The following NDUFA12 variants were observed in gnomAD, a reference collection of about 807,000 sequenced individuals.
NDUFA12 encodes NADH dehydrogenase [ubiquinone] 1 alpha subcomplex subunit 12.
In NDUFA12, 17 loss-of-function variants were observed where a neutral mutation model predicts 20.3. The observed-to-expected ratio is 0.84, with a 90% confidence interval of 0.57 to 1.26. NDUFA12 has a LOEUF of 1.26. NDUFA12 is among the 50% of genes most tolerant of loss of function. The pLI, the probability that NDUFA12 is intolerant of heterozygous loss-of-function variation, is 0.00. For missense variants in NDUFA12, 191 were observed against 183.7 expected, an observed-to-expected ratio of 1.04 and a Z score of -0.23; for synonymous variants, 72 against 63.6, an observed-to-expected ratio of 1.13 and a Z score of -0.63.
At chr12:94,991,321 C>T (rs1388136700) in intron 3 of NDUFA12, among the ~76,000 whole-genome samples, 6 of 151,774 alleles carry the variant, frequency 4.0e-5, no homozygotes, top group Non-Finnish European at 8.8e-5. Flanking sequence ...CCACACGTGG[C>T]AAGTGGTTAC....
intron 3 of NDUFA12, among the ~76,000 whole-genome samples, chr12:94,984,525 C>T (rs1332831802): frequency 3.3e-5 from 5 of 150,294 alleles, no homozygotes; most frequent in Non-Finnish European, 3.0e-5. Context: ...AGTGAAACTC[C>T]GTCTCCAAAG....
rs1481011095 is a variant in NDUFA12 at position 95,003,687 on chromosome 12, T to TCGCTGGCCC, written c.-16_-8dup. ...GGACCTGCACTAACTCCATCTTGCCTCGCTGGCCCCGCCTCCCGGGTGCGC... is the reference window on the plus strand; with the variant it reads ...GGACCTGCACTAACTCCATCTTGCCTCGCTGGCCCCGCTGGCCCCGCCTCCCGGGTGCGC... On this transcript the variant is annotated 5_prime_UTR_variant, in exon 1 of 4. Transcript: ENST00000327772. The TCGCTGGCCC allele has an allele frequency of 6.2e-7, 1 of 1,614,000 alleles. No homozygotes were observed. Among genetic ancestry groups the TCGCTGGCCC allele is most frequent in the Non-Finnish European group, 8.5e-7 (1 of 1,180,034 alleles).
intron 2 of NDUFA12, among the ~76,000 whole-genome samples, chr12:95,001,502 C>G (rs1200656782): frequency 6.6e-6 from 1 of 151,974 alleles, no homozygotes; most frequent in East Asian, 1.9e-4. Context: ...GTGACACATG[C>G]CTGTAATCCC....
chr12:94,980,550 CA>C (rs1264043425), intron 3 of NDUFA12, among the ~76,000 whole-genome samples: 2 of 149,480 alleles, frequency 1.3e-5, no homozygotes, highest in African/African-American at 5.0e-5. Flanking sequence ...TTTCCCTGGG[CA>C]CAGAAAAATT....
chr12:94,980,698 G>C (rs1251535300), intron 3 of NDUFA12, among the ~76,000 whole-genome samples: 1 of 152,140 alleles, frequency 6.6e-6, no homozygotes, highest in Non-Finnish European at 1.5e-5. Flanking sequence ...AGGAGAGACT[G>C]GTGTAACTAT....
intron 2 of NDUFA12, among the ~76,000 whole-genome samples, chr12:94,999,786 C>G (rs1874962187): frequency 6.6e-6 from 1 of 152,164 alleles, no homozygotes; most frequent in Non-Finnish European, 1.5e-5. Context: ...TAGCACCTTA[C>G]TCCTGCAAGA....
In NDUFA12 at chr12:94,971,586, G is replaced by A; in HGVS notation, c.292C>T (p.Pro98Ser). 4 of 1,614,134 alleles carry A rather than the reference G, an allele frequency of 2.5e-6. No individual in the cohort carries two copies. Among genetic ancestry groups the A allele is most frequent in the Non-Finnish European group, 3.4e-6 (4 of 1,180,022 alleles). The change falls in exon 4 of 4, where the codon CCA becomes TCA. Residue 98 changes from proline to serine, a missense_variant. By Grantham distance (74) the Pro-to-Ser change is moderately conservative (BLOSUM62 -1). Transcript: ENST00000327772. The stretch of plus-strand genomic sequence containing the variant: ...CGAGCAGTAAGTGGTTTTGTTGTTG[G>A]AGGATCATCAGTCATACTGTGAAGC... ...RWLHSMTDDP[P>S]TTKPLTARKF...
chr12:94,973,094 A>G (rs1012729487), intron 3 of NDUFA12, among the ~76,000 whole-genome samples: 9 of 152,220 alleles, frequency 5.9e-5, no homozygotes, highest in African/African-American at 2.2e-4. Flanking sequence ...TGGAATAACT[A>G]AAACTAAAGC....
intron 3 of NDUFA12, among the ~76,000 whole-genome samples, chr12:94,973,968 CTTT>C (rs35862087): frequency 4.0e-5 from 4 of 100,932 alleles, no homozygotes; most frequent in Middle Eastern, 5.6e-3. Flanking sequence ...ACTCTTGGGT[CTTT>C]TTTTTTTTTT....
At chr12:95,001,523 G>A (rs577583705) in intron 2 of NDUFA12, among the ~76,000 whole-genome samples, 68 of 152,172 alleles carry the variant, frequency 4.5e-4, no homozygotes, top group African/African-American at 1.5e-3. Flanking sequence ...AGCTACTTGG[G>A]TGGCTGAGGT....
Position 94,985,460 on chromosome 12 carries a change from T to TA in NDUFA12, c.257+8709dup, listed in dbSNP as rs1241813249. ...TAACATGGTGAAACCTCGTCTCTAC[T>TA]AAAAAAATACAAAAAATTTAGCTGG... On this transcript the variant is annotated intron_variant, in intron 3 of 3. Transcript: ENST00000327772. 7.3e-5 allele frequency among the ~76,000 whole-genome samples: 11 copies of TA among 150,084 alleles called. No homozygotes were observed. In the South Asian group the frequency reaches 2.3e-3, roughly 32 times the overall value.
chr12:94,991,976 T>C (rs1017999113), intron 3 of NDUFA12, among the ~76,000 whole-genome samples: 14 of 152,148 alleles, frequency 9.2e-5, no homozygotes, highest in Non-Finnish European at 1.9e-4. Context: ...AGTGACTCTT[T>C]AGAACAGAGG....
At chr12:94,993,042 G>C (rs1874698520) in intron 3 of NDUFA12, among the ~76,000 whole-genome samples, 1 of 152,186 alleles carries the variant, frequency 6.6e-6, no homozygotes, top group South Asian at 2.1e-4. Context: ...TTTTTGTAAT[G>C]AAATAAATAT....
intron 3 of NDUFA12, among the ~76,000 whole-genome samples, chr12:94,988,880 T>C (rs981173194): frequency 7.9e-5 from 12 of 152,172 alleles, no homozygotes; most frequent in Admixed American, 7.9e-4. Context: ...TGATGCACTC[T>C]CAGGGTTCGA....
intron 3 of NDUFA12, among the ~76,000 whole-genome samples, chr12:94,974,618 G>A (rs11107831): frequency 0.23 from 34,742 of 152,054 alleles, 4,266 homozygotes; most frequent in East Asian, 0.42. Flanking sequence ...AGATGAATGA[G>A]TAAAGAAAAT....
At chr12:94,990,200 C>T (rs1006923021) in intron 3 of NDUFA12, among the ~76,000 whole-genome samples, 19 of 151,032 alleles carry the variant, frequency 1.3e-4, no homozygotes, top group African/African-American at 4.6e-4. Flanking sequence ...TGTCAACCTG[C>T]ACATCCTGCA....
chr12:94,985,043 C>T lies in NDUFA12; in HGVS notation c.257+9127G>A, dbSNP rs151146434. 9.2e-3 allele frequency among the ~76,000 whole-genome samples: 705 copies of T among 76,298 alleles called. 4 individuals are homozygous for T. Among genetic ancestry groups the T allele is most frequent in the African/African-American group, 0.035 (637 of 18,028 alleles). 50.1% of individuals were successfully genotyped at this position (76,298 alleles called of 152,430 possible). A position where few individuals can be genotyped will look rare whatever the true frequency, so the allele number is the denominator to read the frequency against. On this transcript the variant is annotated intron_variant, in intron 3 of 3. Transcript: ENST00000327772. ...ATAAAATAAAATAAAAGCAAAGTGGCTGGGCATGATGGCTCATGCCTGTAA... is the reference window on the plus strand; with the variant it reads ...ATAAAATAAAATAAAAGCAAAGTGGTTGGGCATGATGGCTCATGCCTGTAA...
intron 3 of NDUFA12, among the ~76,000 whole-genome samples, chr12:94,983,450 A>T (rs1874306820): frequency 1.3e-5 from 2 of 152,164 alleles, no homozygotes; most frequent in Non-Finnish European, 2.9e-5. Context: ...AGGTCTACTG[A>T]ATGAGCTGGG....
intron 2 of NDUFA12, among the ~76,000 whole-genome samples, chr12:94,997,992 G>A (rs546113988): frequency 6.6e-6 from 1 of 152,190 alleles, no homozygotes; most frequent in African/African-American, 2.4e-5. Context: ...ATGATGCACA[G>A]GACAGCCCCT....
Sources: gnomAD v4.1 joint callset for allele counts (sites outside exome capture counted in the v4.1 genomes callset) on GRCh38, gnomAD v4.1.1 for gene constraint, MANE v1.5 for transcripts, NCBI Gene and HGNC (gene_info 2026-07-23, HGNC 2026-07-21) for gene names.